CLPB: variants seen among roughly 807,000 people sequenced by gnomAD.
CLPB encodes the protein ClpB family mitochondrial disaggregase, also known as mitochondrial disaggregase.
A neutral mutation model predicts 78.4 loss-of-function variants in CLPB; 40 were observed. The ratio of observed to expected loss-of-function variants is 0.51; its 90% CI spans 0.40 to 0.66. The LOEUF (loss-of-function observed/expected upper bound fraction) is 0.66. Among genes scored for constraint, CLPB ranks in the 30% least tolerant of loss-of-function variants. The pLI is 0.00. For synonymous variants in CLPB, 333 were observed against 348.0 expected (o/e 0.96, Z 0.48); for missense variants, 780 against 886.9 (o/e 0.88, Z 1.53).
intron 4 of CLPB, among the ~76,000 whole-genome samples, chr11:72,374,514 C>T (rs995508422): frequency 6.6e-6 from 1 of 152,144 alleles, no homozygotes; most frequent in Non-Finnish European, 1.5e-5. Context: ...TACCAAGCAT[C>T]CTTGGGTTAC....
In CLPB at chr11:72,288,606, C is replaced by T. The variant is rs1949416717; in HGVS notation, c.*4761G>A. On this transcript the variant is annotated 3_prime_UTR_variant, in exon 16 of 16. Coordinates refer to ENST00000538039, the MANE Select transcript of CLPB (RefSeq NM_001258392.3). The stretch of plus-strand genomic sequence containing the variant: ...AAATATGCTGAGCAAACAAACAATA[C>T]TTTTCTGTTCCAGAGCCCACTGAGA... 1 of 152,274 alleles carries T rather than the reference C, an allele frequency of 6.6e-6. No individual in the cohort carries two copies. The highest frequency in any genetic ancestry group is 1.5e-5 in the Non-Finnish European group (1 of 68,076). The allele number at this position is 152,274 out of a possible 1,614,324, so 9.4% of individuals were successfully genotyped here.
In CLPB at chr11:72,329,828, A is replaced by G. The variant is rs371952606; in HGVS notation, c.776-24T>C. ...TCCTGGCAAGAGAAGAAGGATAAAC[A>G]GAGGCTCTATGAACGATCAGTGGGA... On this transcript the variant is annotated intron_variant, in intron 5 of 15. Transcript: ENST00000538039. 34 of 1,584,522 alleles carry G rather than the reference A, an allele frequency of 2.1e-5. No homozygotes were observed. In the Middle Eastern group the frequency reaches 2.2e-3, roughly 101 times the overall value.
chr11:72,417,953 A>T (rs1316820705), intron 2 of CLPB, among the ~76,000 whole-genome samples: 1 of 152,176 alleles, frequency 6.6e-6, no homozygotes. Context: ...CCATCTGCAA[A>T]GGCTGGTCAA....
intron 2 of CLPB, among the ~76,000 whole-genome samples, chr11:72,406,850 T>A (rs1255837080): frequency 2.0e-5 from 3 of 152,142 alleles, no homozygotes; most frequent in Non-Finnish European, 2.9e-5. Context: ...TATCTCTTCT[T>A]TTCCTTCCCT....
intron 6 of CLPB, among the ~76,000 whole-genome samples, chr11:72,317,659 C>G (rs1167854673): frequency 6.6e-6 from 1 of 152,240 alleles, no homozygotes; most frequent in Non-Finnish European, 1.5e-5. Flanking sequence ...ATTCCTTTCT[C>G]TTTCCTCTTG....
In CLPB at chr11:72,295,289, G is replaced by A. The variant is rs572006626; in HGVS notation, c.1486+203C>T. Among the ~76,000 whole-genome samples, 10 of 152,284 alleles carry A rather than the reference G, an allele frequency of 6.6e-5. No homozygotes were observed. The East Asian group carries it at 1.9e-3, about 29-fold the overall frequency. ...CCCTCTTATCACCCAACAGACTTGA[G>A]GCTTTCTTGAAGTGGGGTCTCTGTC... On this transcript the variant is annotated intron_variant, in intron 12 of 15. Transcript: ENST00000538039.
chr11:72,394,587 G>A (rs1420962439), intron 3 of CLPB, among the ~76,000 whole-genome samples: 4 of 152,208 alleles, frequency 2.6e-5, no homozygotes, highest in African/African-American at 4.8e-5. Context: ...AGGGAGCAGC[G>A]TCTTGAGTTG....
chr11:72,429,033 C>G (rs974814237), intron 2 of CLPB: 1 of 152,128 alleles, frequency 6.6e-6, no homozygotes, highest in South Asian at 2.1e-4. Flanking sequence ...ACAGGTGATT[C>G]CAGGGTCAGC....
Position 72,336,130 on chromosome 11 carries a change from A to G in CLPB, c.776-6326T>C, listed in dbSNP as rs76421471. On this transcript the variant is annotated intron_variant, in intron 5 of 15. Coordinates refer to ENST00000538039, the MANE Select transcript of CLPB (RefSeq NM_001258392.3). Reference sequence around the variant, plus strand: ...TCTGTGCTGGTGGGAAAAGCTCATAAGCTGAGGGGGTGGGAGGAGGCTTGT... The same window carrying G: ...TCTGTGCTGGTGGGAAAAGCTCATAGGCTGAGGGGGTGGGAGGAGGCTTGT... 9.9e-3 allele frequency among the ~76,000 whole-genome samples: 1,500 copies of G among 152,056 alleles called. 25 individuals are homozygous for G. The highest frequency in any genetic ancestry group is 0.035 in the African/African-American group (1,445 of 41,444).
At chr11:72,317,669 GA>G (rs1299538488) in intron 6 of CLPB, among the ~76,000 whole-genome samples, 1 of 152,188 alleles carries the variant, frequency 6.6e-6, no homozygotes, top group African/African-American at 2.4e-5. Context: ...CTTTCCTCTT[GA>G]AAAACGTTTT....
intron 5 of CLPB, among the ~76,000 whole-genome samples, chr11:72,343,642 C>T (rs1389575270): frequency 6.6e-6 from 1 of 152,130 alleles, no homozygotes; most frequent in Non-Finnish European, 1.5e-5. Flanking sequence ...GGATAGACTA[C>T]AAACACCAGG....
chr11:72,431,442 C>T (rs906993920), intron 1 of CLPB, among the ~76,000 whole-genome samples: 1 of 152,184 alleles, frequency 6.6e-6, no homozygotes, highest in African/African-American at 2.4e-5. Flanking sequence ...CCAGCTCTGT[C>T]GCTTATTTGC....
intron 11 of CLPB, among the ~76,000 whole-genome samples, chr11:72,297,567 C>G (rs1949572321): frequency 6.6e-6 from 1 of 152,038 alleles, no homozygotes; most frequent in Admixed American, 6.6e-5. Context: ...CAGCTTTTCA[C>G]TCTTACCCCA....
At chr11:72,371,808 C>T (rs1041716651) in intron 4 of CLPB, among the ~76,000 whole-genome samples, 6 of 152,142 alleles carry the variant, frequency 3.9e-5, no homozygotes, top group African/African-American at 1.4e-4. Flanking sequence ...CCAAAACCTT[C>T]CTATACTTGG....
chr11:72,389,057 C>T (rs1398569927), intron 3 of CLPB, among the ~76,000 whole-genome samples: 5 of 152,134 alleles, frequency 3.3e-5, no homozygotes. Flanking sequence ...GATTATAAAC[C>T]AAGTGAGTAG....
Position 72,285,900 on chromosome 11 carries a change from TAC to T in CLPB, c.*7465_*7466del, listed in dbSNP as rs1361033824. 2 of 152,128 alleles carry T rather than the reference TAC, an allele frequency of 1.3e-5. No individual in the cohort carries two copies. The highest frequency in any genetic ancestry group is 2.9e-5 in the Non-Finnish European group (2 of 68,020). The allele number at this position is 152,128 out of a possible 1,614,324, so 9.4% of individuals were successfully genotyped here. On this transcript the variant is annotated 3_prime_UTR_variant, in exon 16 of 16. Transcript: ENST00000538039. ...ATACAGAAAAAACAATTGATTTTTG[TAC>T]AGTTATCTTTTATTCAGACACTTAT...
rs1326149338 is a variant in CLPB at position 72,430,360 on chromosome 11, G to A, written c.407C>T (p.Ala136Val). 6 of 1,613,024 alleles carry A rather than the reference G, an allele frequency of 3.7e-6. No individual in the cohort carries two copies. The South Asian group carries it at 5.5e-5, about 15-fold the overall frequency. The change falls in exon 2 of 16, where the codon GCA (alanine) becomes GTA (valine). Residue 136 changes from alanine (A) to valine (V), a missense_variant. By Grantham distance (64) the Ala-to-Val change is moderately conservative. Coordinates refer to ENST00000538039, the MANE Select transcript of CLPB (RefSeq NM_001258392.3). ...CYSKSPSNKD[A>V]ALLEAARANN... is the part of the protein sequence containing the mutation. ...GGCACGGGCAGCTTCCAACAGGGCT[G>A]CATCTGAAGAGAAAGGGGGCACTGG... is the stretch of plus-strand genomic sequence containing the variant.
intron 2 of CLPB, among the ~76,000 whole-genome samples, chr11:72,409,151 T>C (rs1855800551): frequency 6.6e-6 from 1 of 152,126 alleles, no homozygotes; most frequent in African/African-American, 2.4e-5. Flanking sequence ...GTGGGCATAG[T>C]GGGCCTTTCT....
chr11:72,299,770 A>G (rs1012585510), intron 11 of CLPB, among the ~76,000 whole-genome samples: 8 of 152,228 alleles, frequency 5.3e-5, no homozygotes, highest in African/African-American at 1.9e-4. Flanking sequence ...GCTTTGGTCA[A>G]TGGAACCAAG....
Sources: gnomAD v4.1 joint callset for allele counts (sites outside exome capture counted in the v4.1 genomes callset) on GRCh38, gnomAD v4.1.1 for gene constraint, MANE v1.5 for transcripts, NCBI Gene and HGNC (gene_info 2026-07-23, HGNC 2026-07-21) for gene names.